CDH10: variants seen among roughly 807,000 people sequenced by gnomAD.
CDH10 encodes cadherin 10, also known as cadherin-10.
CDH10 carries 30 observed loss-of-function variants against 73.1 expected under a neutral mutation model. The observed-to-expected ratio is 0.41, with a 90% CI of 0.31 to 0.56. The LOEUF is 0.56. CDH10 is among the 20% of genes least tolerant of loss of function. CDH10 has a pLI of 0.27. For missense variants in CDH10, 815 were observed against 973.7 expected, an observed-to-expected ratio of 0.84 and a Z score of 2.17; for synonymous variants, 345 against 348.2, an observed-to-expected ratio of 0.99 and a Z score of 0.10.
At chr5:24,493,207 ATTAT>A (rs1742128966) in intron 9 of CDH10, among the ~76,000 whole-genome samples, 1 of 151,962 alleles carries the variant, frequency 6.6e-6, no homozygotes. Flanking sequence ...TTAAAATGAG[ATTAT>A]TTTATATGCA....
At chr5:24,640,777 G>C (rs1439757141) in intron 1 of CDH10, among the ~76,000 whole-genome samples, 2 of 151,428 alleles carry the variant, frequency 1.3e-5, no homozygotes, top group African/African-American at 4.9e-5. Context: ...CCTTTCTTTA[G>C]TTCCATAATG....
At chr5:24,488,415 C>T (rs1741923479) in intron 11 of CDH10, among the ~76,000 whole-genome samples, 1 of 152,046 alleles carries the variant, frequency 6.6e-6, no homozygotes, top group Non-Finnish European at 1.5e-5. Context: ...GTGACTTACA[C>T]TTTATTTTCC....
intron 1 of CDH10, among the ~76,000 whole-genome samples, chr5:24,630,550 T>TAA (rs11385411): frequency 1.3e-3 from 174 of 132,932 alleles, no homozygotes; most frequent in South Asian, 6.7e-3. Flanking sequence ...GAGATCATCT[T>TAA]AAAAAAAAAA....
chr5:24,506,877 G>T (rs1274803679), intron 7 of CDH10, among the ~76,000 whole-genome samples: 1 of 152,182 alleles, frequency 6.6e-6, no homozygotes, highest in Non-Finnish European at 1.5e-5. Flanking sequence ...TTTCATGTGT[G>T]TTCTTTCTGA....
intron 1 of CDH10, among the ~76,000 whole-genome samples, chr5:24,629,348 C>T (rs1240030469): frequency 6.6e-6 from 1 of 152,076 alleles, no homozygotes; most frequent in African/African-American, 2.4e-5. Flanking sequence ...AAATATATTT[C>T]ACCATACCAT....
intron 1 of CDH10, among the ~76,000 whole-genome samples, chr5:24,601,113 ATAAAT>A (rs924165361): frequency 9.2e-5 from 14 of 152,294 alleles, no homozygotes; most frequent in South Asian, 2.1e-4. Context: ...TTATTTTAAA[ATAAAT>A]TAAATCATTT....
At chr5:24,568,425 C>A (rs1240953414) in intron 2 of CDH10, among the ~76,000 whole-genome samples, 2 of 152,054 alleles carry the variant, frequency 1.3e-5, no homozygotes, top group Admixed American at 6.5e-5. Flanking sequence ...TAGGGAAATG[C>A]AAATCAAACC....
At chr5:24,562,499 G>A (rs1036284967) in intron 2 of CDH10, among the ~76,000 whole-genome samples, 1 of 151,934 alleles carries the variant, frequency 6.6e-6, no homozygotes, top group Admixed American at 6.6e-5. Context: ...TATTTAGAGG[G>A]AGAGCATAAA....
At chr5:24,619,882 G>A (rs779471476) in intron 1 of CDH10, among the ~76,000 whole-genome samples, 5 of 152,080 alleles carry the variant, frequency 3.3e-5, no homozygotes, top group Non-Finnish European at 5.9e-5. Context: ...TACTGACTCT[G>A]CTCTCCTTCA....
At chr5:24,600,591 G>A (rs774234543) in intron 1 of CDH10, among the ~76,000 whole-genome samples, 10 of 151,984 alleles carry the variant, frequency 6.6e-5, no homozygotes, top group Middle Eastern at 3.4e-3. Flanking sequence ...GCAGAGCGTC[G>A]GTGTGCGTGC....
chr5:24,535,291 A>G lies in CDH10; in HGVS notation c.647-12T>C, dbSNP rs1743912537. On this transcript the variant is annotated splice_polypyrimidine_tract_variant and intron_variant, in intron 4 of 11. Coordinates refer to ENST00000264463, the MANE Select transcript of CDH10 (RefSeq NM_006727.5). ...AGTCCTGATGATACCTTGAGAAAAT[A>G]TAAAAAAACTTCCATTATCTTCACT... 6.3e-7 allele frequency: 1 copy of G among 1,597,412 alleles called. No homozygotes were observed. Among genetic ancestry groups the G allele is most frequent in the Non-Finnish European group, 8.5e-7 (1 of 1,175,196 alleles).
At chr5:24,536,890 G>T (rs957439310) in intron 3 of CDH10, among the ~76,000 whole-genome samples, 2 of 151,444 alleles carry the variant, frequency 1.3e-5, no homozygotes, top group Admixed American at 6.6e-5. Context: ...TATAATGATA[G>T]GATTTTTTTA....
rs1326716063 is a variant in CDH10, at chr5:24,644,375, G to A, written c.-124+219C>T. ...TTGAGCATAATATATAATTTATCCA[G>A]CTTTACATTGCCTATATAGATATTC... On this transcript the variant is annotated intron_variant, in intron 1 of 11. Transcript: ENST00000264463. Among the ~76,000 whole-genome samples, 5 of 152,198 alleles carry A rather than the reference G, an allele frequency of 3.3e-5. No individual in the cohort carries two copies. The East Asian group carries it at 9.7e-4, about 29-fold the overall frequency.
At chr5:24,555,812 A>G (rs898371290) in intron 2 of CDH10, among the ~76,000 whole-genome samples, 1 of 152,172 alleles carries the variant, frequency 6.6e-6, no homozygotes, top group African/African-American at 2.4e-5. Flanking sequence ...TCTATAAGCA[A>G]CTGTCTTCTA....
chr5:24,572,813 C>G (rs994327364), intron 2 of CDH10, among the ~76,000 whole-genome samples: 2 of 151,190 alleles, frequency 1.3e-5, no homozygotes, highest in Non-Finnish European at 2.9e-5. Context: ...TTCACATAGA[C>G]AGAGAATTCC....
chr5:24,571,294 T>C (rs1159746990), intron 2 of CDH10, among the ~76,000 whole-genome samples: 1 of 151,892 alleles, frequency 6.6e-6, no homozygotes, highest in East Asian at 1.9e-4. Context: ...TTTTAAGAAG[T>C]TGGAAAAAAT....
At chr5:24,560,305 A>T (rs1744914402) in intron 2 of CDH10, among the ~76,000 whole-genome samples, 1 of 151,860 alleles carries the variant, frequency 6.6e-6, no homozygotes, top group African/African-American at 2.4e-5. Context: ...TATTAAACAG[A>T]TCTGTAGGGA....
chr5:24,611,693 C>T (rs931222708), intron 1 of CDH10: 9 of 152,068 alleles, frequency 5.9e-5, no homozygotes, highest in African/African-American at 1.4e-4. Context: ...TTCTTGCATG[C>T]GCACCGATCT....
intron 5 of CDH10, among the ~76,000 whole-genome samples, chr5:24,525,369 T>C (rs926847830): frequency 9.2e-5 from 14 of 152,110 alleles, no homozygotes; most frequent in African/African-American, 3.4e-4. Flanking sequence ...AATTTAACTT[T>C]AGCTTAATTT....
Sources: allele counts gnomAD v4.1 joint callset (sites outside exome capture counted in the v4.1 genomes callset), GRCh38; gene constraint gnomAD v4.1.1; transcripts MANE v1.5; gene names NCBI Gene and HGNC (gene_info 2026-07-23, HGNC 2026-07-21).